The following ZNF236 variants were observed in gnomAD, a reference collection of about 807,000 sequenced individuals.
ZNF236 encodes regulated by glucose.
A neutral mutation model predicts 191.2 loss-of-function variants in ZNF236; 50 were observed. The ratio of observed to expected loss-of-function variants is 0.26; its 90% CI spans 0.21 to 0.33. The LOEUF (loss-of-function observed/expected upper bound fraction) is 0.33. Ranked by LOEUF, ZNF236 falls within the 10% of genes least tolerant of loss-of-function variation. The pLI is 1.00. For synonymous variants in ZNF236, 907 were observed against 928.8 expected (o/e 0.98, Z 0.43); for missense variants, 1,754 against 2,374.5 (o/e 0.74, Z 5.43).
chr18:76,884,841 A>G (rs1483264718), intron 9 of ZNF236: 1 of 152,144 alleles, frequency 6.6e-6, no homozygotes, highest in East Asian at 1.9e-4. Context: ...CAGCTCAGAT[A>G]AATTTGATTT....
Position 76,927,450 on chromosome 18 carries a change from G to T in ZNF236, c.4347G>T (p.Val1449=). The change falls in exon 24 of 31, where the codon GTG becomes GTT. Residue 1449 remains valine (V), a synonymous_variant. Coordinates refer to ENST00000320610, the MANE Select transcript of ZNF236 (RefSeq NM_001306089.2). The surrounding 1 kb of genome is among the most constrained non-coding windows in gnomAD (Gnocchi z 5.4). ...PISGLSLQPT[V]TSANLTIGPL... ...CAGGCCTGTCCTTACAGCCCACAGTGACCTCTGCGAACCTGACCATAGGCC... is the reference window on the plus strand; with the variant it reads ...CAGGCCTGTCCTTACAGCCCACAGTTACCTCTGCGAACCTGACCATAGGCC... 6.2e-7 allele frequency: 1 copy of T among 1,614,188 alleles called. No individual in the cohort carries two copies. Among genetic ancestry groups the T allele is most frequent in the Non-Finnish European group, 8.5e-7 (1 of 1,180,044 alleles).
Position 76,840,132 on chromosome 18 carries a change from T to G in ZNF236, c.56-9394T>G, listed in dbSNP as rs562614587. On this transcript the variant is annotated intron_variant, in intron 1 of 30. Coordinates refer to ENST00000320610, the MANE Select transcript of ZNF236 (RefSeq NM_001306089.2). ...ATACATTTACCCAAGTTTACAGTCT[T>G]TCTTTAGAAATACAAATTTACAGGT... 3.2e-4 allele frequency among the ~76,000 whole-genome samples: 49 copies of G among 152,342 alleles called. No homozygotes were observed. In the South Asian group the frequency reaches 5.4e-3, roughly 17 times the overall value.
intron 4 of ZNF236, 93 bp from the exon 5 acceptor site, chr18:76,871,608 A>G: frequency 1.3e-6 from 2 of 1,500,496 alleles, no homozygotes; most frequent in Non-Finnish European, 1.8e-6. Context: ...TCTGATGACT[A>G]GTCAGCCAAA....
chr18:76,914,770 C>A (rs1450659979), intron 18 of ZNF236, among the ~76,000 whole-genome samples: 2 of 152,060 alleles, frequency 1.3e-5, no homozygotes, highest in Non-Finnish European at 2.9e-5. Flanking sequence ...GGCTACTGGA[C>A]CTTTATCAGA....
At chr18:76,932,056 G>A (rs1369680833) in intron 25 of ZNF236, among the ~76,000 whole-genome samples, 1 of 152,204 alleles carries the variant, frequency 6.6e-6, no homozygotes, top group Non-Finnish European at 1.5e-5. Context: ...TGTGACTCTG[G>A]GCAGGTCAGA....
chr18:76,863,617 G>A (rs1201808386), intron 3 of ZNF236, among the ~76,000 whole-genome samples: 3 of 151,130 alleles, frequency 2.0e-5, no homozygotes, highest in Admixed American at 1.3e-4. Context: ...AATTAGAGAC[G>A]GAGTCTTGCT....
At chr18:76,889,336 C>G (rs1398134553) in intron 9 of ZNF236, among the ~76,000 whole-genome samples, 1 of 152,206 alleles carries the variant, frequency 6.6e-6, no homozygotes, top group Non-Finnish European at 1.5e-5. Flanking sequence ...GATGCTCTGC[C>G]ATACATGCTT....
intron 3 of ZNF236, among the ~76,000 whole-genome samples, chr18:76,864,845 A>G (rs1026898582): frequency 6.6e-6 from 1 of 151,998 alleles, no homozygotes; most frequent in African/African-American, 2.4e-5. Flanking sequence ...ACCTAGCACA[A>G]TCTCCAAGAA....
At position 76,908,953 on chromosome 18, in the gene ZNF236, ATGTGTGTGTCTGTG is replaced by A. The variant is rs758320246; in HGVS notation, c.2551+390_2551+403del. 4.8e-4 allele frequency among the ~76,000 whole-genome samples: 56 copies of A among 117,312 alleles called. No homozygotes were observed. In the South Asian group the frequency reaches 9.4e-3, roughly 20 times the overall value. 77.0% of individuals were successfully genotyped at this position (117,312 alleles called of 152,430 possible). On this transcript the variant is annotated intron_variant, in intron 14 of 30. Transcript: ENST00000320610. ...TACAAATATGCAGGGGTGTGTGTGT[ATGTGTGTGTCTGTG>A]TGTGTGTGTGTGTGTGTGTGTGTGT...
chr18:76,870,634 G>T (rs780319905), intron 4 of ZNF236, among the ~76,000 whole-genome samples: 49 of 152,188 alleles, frequency 3.2e-4, no homozygotes, highest in Non-Finnish European at 5.9e-4. Context: ...ATGGGTGTGT[G>T]CAGTGTGGCT....
At chr18:76,961,255 T>C (rs1432330868) in intron 30 of ZNF236, among the ~76,000 whole-genome samples, 1 of 152,166 alleles carries the variant, frequency 6.6e-6, no homozygotes, top group Non-Finnish European at 1.5e-5. Context: ...GAACATGCGA[T>C]GTTTGGTTTT....
At chr18:76,897,667 A>C (rs1400812685) in intron 10 of ZNF236, among the ~76,000 whole-genome samples, 2 of 151,998 alleles carry the variant, frequency 1.3e-5, no homozygotes, top group African/African-American at 2.4e-5. Flanking sequence ...CATAGTACCA[A>C]ACACAGTACT....
At chr18:76,837,586 G>A (rs764717228) in intron 1 of ZNF236, among the ~76,000 whole-genome samples, 2 of 151,724 alleles carry the variant, frequency 1.3e-5, no homozygotes, top group South Asian at 2.1e-4. Context: ...GATTAAAAGC[G>A]TGTGCCACCA....
At position 76,970,576 on chromosome 18, in the gene ZNF236, A is replaced by G. The variant is rs1968893137; in HGVS notation, c.*2237A>G. 6.6e-6 allele frequency: 1 copy of G among 152,592 alleles called. No homozygotes were observed. Among genetic ancestry groups the G allele is most frequent in the Admixed American group, 6.5e-5 (1 of 15,278 alleles). The allele number at this position is 152,592 out of a possible 1,614,324, so 9.5% of individuals were successfully genotyped here. On this transcript the variant is annotated 3_prime_UTR_variant, in exon 31 of 31. Coordinates refer to ENST00000320610, the MANE Select transcript of ZNF236 (RefSeq NM_001306089.2). ...TTGTGGGGTACAGGTTGATCTTTATATTTTACTGGTTGTTTTAAAAATTCT... is the reference window on the plus strand; with the variant it reads ...TTGTGGGGTACAGGTTGATCTTTATGTTTTACTGGTTGTTTTAAAAATTCT...
intron 3 of ZNF236, among the ~76,000 whole-genome samples, chr18:76,867,707 C>A (rs955933676): frequency 6.6e-6 from 1 of 152,168 alleles, no homozygotes; most frequent in African/African-American, 2.4e-5. Flanking sequence ...GCAATGGCTA[C>A]TGATGAAGTA....
In ZNF236 at chr18:76,971,608, A is replaced by C. The variant is rs1209943433; in HGVS notation, c.*3269A>C. Among the ~76,000 whole-genome samples, 6 of 152,228 alleles carry C rather than the reference A, an allele frequency of 3.9e-5. No individual in the cohort carries two copies. Among genetic ancestry groups the C allele is most frequent in the Non-Finnish European group, 8.8e-5 (6 of 68,036 alleles). On this transcript the variant is annotated 3_prime_UTR_variant, in exon 31 of 31. Coordinates refer to ENST00000320610, the MANE Select transcript of ZNF236 (RefSeq NM_001306089.2). ...ATATCACATTTATTACAAGAGACGC[A>C]TGTGTTAGCACAGCTACACAATTTT...
At chr18:76,923,429 G>C (rs1157217343) in intron 21 of ZNF236, among the ~76,000 whole-genome samples, 3 of 152,184 alleles carry the variant, frequency 2.0e-5, no homozygotes, top group Admixed American at 1.3e-4. Context: ...TCTTACTCAT[G>C]CTTAAATAAC....
chr18:76,889,858 G>C (rs1032027228), intron 9 of ZNF236, among the ~76,000 whole-genome samples: 2 of 152,188 alleles, frequency 1.3e-5, no homozygotes, highest in African/African-American at 4.8e-5. Context: ...ACAGGCATCT[G>C]TGTGATTGTT....
chr18:76,919,304 A>G lies in ZNF236; in HGVS notation c.3275-472A>G, dbSNP rs1967468789. Among the ~76,000 whole-genome samples, 1 of 152,078 alleles carries G rather than the reference A, an allele frequency of 6.6e-6. No individual in the cohort carries two copies. Among genetic ancestry groups the G allele is most frequent in the African/African-American group, 2.4e-5 (1 of 41,402 alleles). ...TTTTTTTTGGTTACATAATATTTCTACATATTTATGACGCACATGTGATAT... is the reference window on the plus strand; with the variant it reads ...TTTTTTTTGGTTACATAATATTTCTGCATATTTATGACGCACATGTGATAT... On this transcript the variant is annotated intron_variant, in intron 19 of 30. Coordinates refer to ENST00000320610, the MANE Select transcript of ZNF236 (RefSeq NM_001306089.2). This position sits in a 1 kb window ranked among gnomAD's most constrained non-coding sequence, Gnocchi z 5.3.
Sources: allele counts gnomAD v4.1 joint callset (sites outside exome capture counted in the v4.1 genomes callset), GRCh38; gene constraint gnomAD v4.1.1; non-coding constraint Gnocchi (gnomAD v3.1); transcripts MANE v1.5; gene names NCBI Gene and HGNC (gene_info 2026-07-23, HGNC 2026-07-21).